Variants in CNTNAP2 observed in about 807,000 individuals in gnomAD.
CNTNAP2 encodes contactin associated protein 2.
Under a neutral mutation model 155.2 loss-of-function variants are expected in CNTNAP2, and 98 were observed. The ratio of observed to expected loss-of-function variants is 0.63; its 90% confidence interval spans 0.54 to 0.75. The LOEUF (loss-of-function observed/expected upper bound fraction) is 0.75, where lower values mean the gene tolerates loss of function less well. Ranked by LOEUF, CNTNAP2 falls within the 30% of genes least tolerant of loss-of-function variation. The pLI is 0.00. For missense variants in CNTNAP2, 1,727 were observed against 1,688.1 expected (o/e 1.02, Z -0.40); for synonymous variants, 651 against 631.2 (o/e 1.03, Z -0.47).
At chr7:147,953,826 C>T (rs1394192906) in intron 14 of CNTNAP2, among the ~76,000 whole-genome samples, 2 of 152,106 alleles carry the variant, frequency 1.3e-5, no homozygotes, top group African/African-American at 4.8e-5. Flanking sequence ...TCTCTTGTCA[C>T]GTGGCATTCT....
chr7:146,777,324 C>T (rs1227558388), intron 2 of CNTNAP2, among the ~76,000 whole-genome samples: 2 of 152,166 alleles, frequency 1.3e-5, no homozygotes, highest in Non-Finnish European at 2.9e-5. Context: ...TGACATATAA[C>T]TCGCCCTCCC....
intron 22 of CNTNAP2, among the ~76,000 whole-genome samples, chr7:148,404,380 G>A (rs574944518): frequency 6.6e-6 from 1 of 152,364 alleles, no homozygotes; most frequent in South Asian, 2.1e-4. Context: ...CAAAGAAAAG[G>A]ATAGTAAACC....
intron 13 of CNTNAP2, among the ~76,000 whole-genome samples, chr7:147,827,461 A>T (rs1798472276): frequency 6.6e-6 from 1 of 152,216 alleles, no homozygotes; most frequent in Admixed American, 6.5e-5. Context: ...AACAAAAAAA[A>T]TTGTTGAGTA....
chr7:147,922,707 G>T (rs1800306140), intron 14 of CNTNAP2, among the ~76,000 whole-genome samples: 1 of 152,172 alleles, frequency 6.6e-6, no homozygotes, highest in Non-Finnish European at 1.5e-5. Context: ...ATCCATTCCA[G>T]TTCTAGGAGT....
At chr7:147,383,604 G>A (rs988967612) in intron 9 of CNTNAP2, among the ~76,000 whole-genome samples, 12 of 151,918 alleles carry the variant, frequency 7.9e-5, no homozygotes, top group African/African-American at 1.9e-4. Flanking sequence ...GGAACACCAC[G>A]CACCGGGGCC....
At chr7:147,229,856 G>C (rs1188498905) in intron 8 of CNTNAP2, among the ~76,000 whole-genome samples, 1 of 151,836 alleles carries the variant, frequency 6.6e-6, no homozygotes, top group East Asian at 1.9e-4. Context: ...AGAAAATAAC[G>C]GGACATCTAA....
chr7:146,980,733 G>A (rs2129236560), intron 3 of CNTNAP2, among the ~76,000 whole-genome samples: 1 of 152,250 alleles, frequency 6.6e-6, no homozygotes. Flanking sequence ...CAAGGCAACT[G>A]CGCTAAACTA....
chr7:148,111,523 G>T (rs148866032), intron 15 of CNTNAP2, among the ~76,000 whole-genome samples: 1,650 of 150,426 alleles, frequency 0.011, 20 homozygotes, highest in South Asian at 0.042. Flanking sequence ...AGATCAAAAT[G>T]TGGAACAAAA....
chr7:146,616,630 T>A (rs1208862734), intron 1 of CNTNAP2, among the ~76,000 whole-genome samples: 1 of 152,190 alleles, frequency 6.6e-6, no homozygotes, highest in Non-Finnish European at 1.5e-5. Flanking sequence ...CATTGCTTAA[T>A]GATCAGCTAG....
intron 1 of CNTNAP2, among the ~76,000 whole-genome samples, chr7:146,120,170 G>A (rs2693305): frequency 0.82 from 123,913 of 151,760 alleles, 50,847 homozygotes; most frequent in African/African-American, 0.9. Context: ...CCAAAATGGT[G>A]TATTTTAAAT....
chr7:148,101,781 A>G (rs900867687), intron 15 of CNTNAP2, among the ~76,000 whole-genome samples: 5 of 152,192 alleles, frequency 3.3e-5, no homozygotes, highest in African/African-American at 1.2e-4. Context: ...GTATGCCACC[A>G]TCTACTCAGT....
At chr7:146,295,308 A>T (rs1800495843) in intron 1 of CNTNAP2, among the ~76,000 whole-genome samples, 1 of 149,312 alleles carries the variant, frequency 6.7e-6, no homozygotes, top group Non-Finnish European at 1.5e-5. Flanking sequence ...AGGCTGCAAA[A>T]ACTGTTTTTT....
intron 8 of CNTNAP2, among the ~76,000 whole-genome samples, chr7:147,248,857 C>A (rs1220362389): frequency 1.3e-5 from 2 of 152,110 alleles, no homozygotes; most frequent in Admixed American, 6.6e-5. Flanking sequence ...GAAGAGAGAA[C>A]AAGGTTGTAA....
chr7:147,083,548 A>G (rs13310767), intron 4 of CNTNAP2, among the ~76,000 whole-genome samples: 3,447 of 117,788 alleles, frequency 0.029, 32 homozygotes, highest in African/African-American at 0.041. Context: ...ATATATATAT[A>G]TGTATATATA....
chr7:147,829,900 C>T (rs1016497616), intron 13 of CNTNAP2, among the ~76,000 whole-genome samples: 1 of 152,052 alleles, frequency 6.6e-6, no homozygotes, highest in Admixed American at 6.6e-5. Flanking sequence ...ACAGGTGTCA[C>T]ATACAGGCTC....
At chr7:146,686,823 A>G (rs2129170852) in intron 1 of CNTNAP2, among the ~76,000 whole-genome samples, 1 of 152,232 alleles carries the variant, frequency 6.6e-6, no homozygotes, top group South Asian at 2.1e-4. Flanking sequence ...AGTCAATGTA[A>G]TTTTCAGCAA....
rs1285423262 is a variant in CNTNAP2, at chr7:146,906,917, G to T, written c.402+67013G>T. 1.2e-4 allele frequency among the ~76,000 whole-genome samples: 17 copies of T among 146,484 alleles called. No individual in the cohort carries two copies. In the South Asian group the frequency reaches 3.9e-3, roughly 33 times the overall value. On this transcript the variant is annotated intron_variant, in intron 3 of 23. Coordinates refer to ENST00000361727, the MANE Select transcript of CNTNAP2 (RefSeq NM_014141.6). ...TGAAAACTTTGAAAAAAATTTAGAAGAATGTATAACTAGAATAACCAATAC... is the reference window on the plus strand; with the variant it reads ...TGAAAACTTTGAAAAAAATTTAGAATAATGTATAACTAGAATAACCAATAC...
chr7:148,389,852 T>G (rs1799306950), intron 22 of CNTNAP2: 1 of 152,068 alleles, frequency 6.6e-6, no homozygotes. Flanking sequence ...GGAAGCCATC[T>G]GAAGGGTCTT....
At chr7:146,721,090 C>G (rs1216073534) in intron 1 of CNTNAP2, among the ~76,000 whole-genome samples, 8 of 114,010 alleles carry the variant, frequency 7.0e-5, no homozygotes, top group African/African-American at 3.5e-4. Context: ...TATATACTGT[C>G]TATATATATT....
Sources: gnomAD v4.1 joint callset for allele counts (sites outside exome capture counted in the v4.1 genomes callset) on GRCh38, gnomAD v4.1.1 for gene constraint, MANE v1.5 for transcripts, NCBI Gene and HGNC (gene_info 2026-07-23, HGNC 2026-07-21) for gene names.